The following DHX36 variants were observed in gnomAD, a reference collection of about 807,000 sequenced individuals.
The protein encoded by DHX36 is DEAH-box helicase 36.
In DHX36, 50 loss-of-function variants were observed where a neutral mutation model predicts 139.0. The ratio of observed to expected loss-of-function variants is 0.36; its 90% CI spans 0.29 to 0.46. The LOEUF is 0.46. Among genes scored for constraint, DHX36 ranks in the 20% least tolerant of loss-of-function variants. DHX36 has a pLI of 1.00. For missense variants in DHX36, 1,024 were observed against 1,211.3 expected (o/e 0.85, Z 2.29); for synonymous variants, 425 against 401.9 (o/e 1.06, Z -0.69).
intron 3 of DHX36, chr3:154,312,049 T>C (rs575389245): frequency 9.4e-5 from 15 of 158,960 alleles, no homozygotes; most frequent in Admixed American, 2.6e-4. Flanking sequence ...CAGTGCACTA[T>C]TTACTAATAC....
Position 154,316,173 on chromosome 3 carries a change from G to A in DHX36, c.244-10C>T, listed in dbSNP as rs369589902. The A allele has an allele frequency of 6.8e-6, 11 of 1,609,396 alleles. No homozygotes were observed. Among genetic ancestry groups the A allele is most frequent in the Non-Finnish European group, 9.3e-6 (11 of 1,178,422 alleles). On this transcript the variant is annotated splice_polypyrimidine_tract_variant and intron_variant, in intron 1 of 24. Coordinates refer to ENST00000496811, the MANE Select transcript of DHX36 (RefSeq NM_020865.3). Reference sequence around the variant, plus strand: ...TGTGTACTACAGCTCTCTAGTTTGTGCAAAGAAAAAAGCATCCTTGTCAAC... The same window carrying A: ...TGTGTACTACAGCTCTCTAGTTTGTACAAAGAAAAAAGCATCCTTGTCAAC...
chr3:154,289,743 C>A lies in DHX36; in HGVS notation c.1898G>T (p.Arg633Ile). 6.2e-7 allele frequency: 1 copy of A among 1,612,484 alleles called. No individual in the cohort carries two copies. Among genetic ancestry groups the A allele is most frequent in the Admixed American group, 1.7e-5 (1 of 60,002 alleles). ...LDDYQLPEIL[R>I]TPLEELCLQI... ...TAAACAAAGTTCTTCCAAAGGAGTT[C>A]TCAAAATTTCTGGCAGTTGATAGTC... The change falls in exon 16 of 25, where the codon AGA (arginine) becomes ATA (isoleucine). Residue 633 changes from arginine (R) to isoleucine (I), a missense_variant. Around this residue, in one of 4 missense-constraint regions of DHX36, gnomAD observed 470 missense variants for 616.2 expected, o/e 0.76. Coordinates refer to ENST00000496811, the MANE Select transcript of DHX36 (RefSeq NM_020865.3).
rs755921140 is a variant in DHX36 at position 154,287,755 on chromosome 3, C to T, written c.2031+1111G>A. ...TATGCAATATACAACCAATAAAAAG[C>T]GCAGATCAAGAGTACAAAAGGACTG... On this transcript the variant is annotated intron_variant, in intron 17 of 24. Coordinates refer to ENST00000496811, the MANE Select transcript of DHX36 (RefSeq NM_020865.3). Among the ~76,000 whole-genome samples, 112 of 151,938 alleles carry T rather than the reference C, an allele frequency of 7.4e-4. 1 individual carries two copies. Among genetic ancestry groups the T allele is most frequent in the Non-Finnish European group, 1.0e-3 (71 of 67,958 alleles).
At chr3:154,306,143 T>G in intron 6 of DHX36, 73 bp downstream of exon 6, 1 of 1,125,382 alleles carries the variant, frequency 8.9e-7, no homozygotes, top group Non-Finnish European at 1.3e-6. Flanking sequence ...GGGGAAAATA[T>G]CCTTTCTTTT....
At chr3:154,292,899 G>C (rs1031765879) in intron 14 of DHX36, among the ~76,000 whole-genome samples, 1 of 151,860 alleles carries the variant, frequency 6.6e-6, no homozygotes, top group East Asian at 1.9e-4. Flanking sequence ...TAGGGATCGA[G>C]TACCTAACAG....
chr3:154,296,234 G>C (rs1011035451), intron 12 of DHX36, among the ~76,000 whole-genome samples: 1 of 152,150 alleles, frequency 6.6e-6, no homozygotes, highest in African/African-American at 2.4e-5. Context: ...CAGCACTTTG[G>C]GAGGCCGAGG....
Position 154,275,067 on chromosome 3 carries a change from A to T in DHX36, c.*1104T>A, listed in dbSNP as rs1464437762. 1 of 152,238 alleles carries T rather than the reference A, an allele frequency of 6.6e-6. No individual in the cohort carries two copies. The highest frequency in any genetic ancestry group is 1.5e-5 in the Non-Finnish European group (1 of 68,044). The allele number at this position is 152,238 out of a possible 1,614,324, so 9.4% of individuals were successfully genotyped here. On this transcript the variant is annotated 3_prime_UTR_variant, in exon 25 of 25. Transcript: ENST00000496811. The stretch of plus-strand genomic sequence containing the variant: ...ACAGGCACTAGCCTATGTGCTTTAC[A>T]TGTATTAATGTACTTCATCCTCACA...
intron 22 of DHX36, chr3:154,278,934 G>C (rs1719244059): frequency 1.3e-5 from 2 of 152,162 alleles, no homozygotes; most frequent in African/African-American, 2.4e-5. Flanking sequence ...TGCATAACTA[G>C]AGCAGTAGAA....
chr3:154,276,649 G>T, intron 24 of DHX36, 98 bp downstream of exon 24: 1 of 1,310,674 alleles, frequency 7.6e-7, no homozygotes, highest in Non-Finnish European at 1.1e-6. Flanking sequence ...TGCTGAAATA[G>T]AGCAAGAAAT....
chr3:154,314,933 G>T, intron 3 of DHX36, 113 bp downstream of exon 3: 1 of 711,386 alleles, frequency 1.4e-6, no homozygotes, highest in Non-Finnish European at 2.3e-6. Context: ...CCACAGGGAT[G>T]TCTTGTTGAG....
chr3:154,313,928 T>G (rs988522556), intron 3 of DHX36, among the ~76,000 whole-genome samples: 3 of 152,162 alleles, frequency 2.0e-5, no homozygotes, highest in African/African-American at 7.2e-5. Flanking sequence ...TTCAAGGTTG[T>G]TGAGAAGCTT....
rs1559958783 is a variant in DHX36 at position 154,312,887 on chromosome 3, ATATATATATATAT to A, written c.604-1226_604-1214del. On this transcript the variant is annotated intron_variant, in intron 3 of 24. Transcript: ENST00000496811. ...TATATATATATATATATATATATAT[ATATATATATATAT>A]AAAATAAATAAAGAACTGTCTTTGG... Among the ~76,000 whole-genome samples, 122 of 116,088 alleles carry A rather than the reference ATATATATATATAT, an allele frequency of 1.1e-3. 3 individuals carry two copies. Among genetic ancestry groups the A allele is most frequent in the East Asian group, 7.5e-3 (26 of 3,478 alleles). The allele number at this position is 116,088 out of a possible 152,430, so 76.2% of individuals were successfully genotyped here. A position where few individuals can be genotyped will look rare whatever the true frequency, so the allele number is the denominator to read the frequency against.
At chr3:154,291,242 A>G (rs1711799877) in intron 15 of DHX36, among the ~76,000 whole-genome samples, 1 of 151,356 alleles carries the variant, frequency 6.6e-6, no homozygotes, top group Non-Finnish European at 1.5e-5. Flanking sequence ...ATTTTTATCC[A>G]TGGAGCCTAC....
intron 22 of DHX36, 142 bp from the exon 23 acceptor site, chr3:154,277,860 T>TC: frequency 1.3e-6 from 1 of 761,428 alleles, no homozygotes; most frequent in African/African-American, 1.8e-5. Context: ...AGAGAATAAT[T>TC]CAGTTTATTT....
At position 154,289,630 on chromosome 3, in the gene DHX36, A is replaced by G. The variant is rs1711702727; in HGVS notation, c.1932+79T>C. The G allele has an allele frequency of 4.7e-6, 4 of 845,500 alleles. 1 individual carries two copies. The East Asian group carries it at 9.7e-5, about 20-fold the overall frequency. 52.4% of individuals were successfully genotyped at this position (845,500 alleles called of 1,614,324 possible). On this transcript the variant is annotated intron_variant, in intron 16 of 24. Coordinates refer to ENST00000496811, the MANE Select transcript of DHX36 (RefSeq NM_020865.3). ...GTTAATAATTGTTTCTTGGAGATTA[A>G]TACAGTACTTTGTTCTACAAAAGAT...
intron 19 of DHX36, among the ~76,000 whole-genome samples, chr3:154,283,783 A>C (rs1719412437): frequency 3.9e-5 from 6 of 152,142 alleles, no homozygotes; most frequent in Admixed American, 3.9e-4. Flanking sequence ...GCCTCTAAAA[A>C]CCAAATTACA....
intron 1 of DHX36, among the ~76,000 whole-genome samples, chr3:154,323,072 C>T (rs1165304583): frequency 6.6e-6 from 1 of 152,180 alleles, no homozygotes; most frequent in African/African-American, 2.4e-5. Flanking sequence ...TGGTGGCTCA[C>T]GCCTGTAATC....
At position 154,273,032 on chromosome 3, in the gene DHX36, A is replaced by G. The variant is rs1719041980; in HGVS notation, c.*3139T>C. On this transcript the variant is annotated 3_prime_UTR_variant, in exon 25 of 25. Transcript: ENST00000496811. ...CGATGCTTTTGAAAGATTATTCAGT[A>G]GTTTAATTTCTTTTGTTTTTTTCCT... 1 of 152,066 alleles carries G rather than the reference A, an allele frequency of 6.6e-6. No homozygotes were observed. Among genetic ancestry groups the G allele is most frequent in the Admixed American group, 6.6e-5 (1 of 15,262 alleles). The allele number at this position is 152,066 out of a possible 1,614,324, so 9.4% of individuals were successfully genotyped here.
At chr3:154,321,439 G>A (rs895912560) in intron 1 of DHX36, among the ~76,000 whole-genome samples, 6 of 152,132 alleles carry the variant, frequency 3.9e-5, no homozygotes, top group African/African-American at 1.2e-4. Flanking sequence ...AAGGGTTACT[G>A]TCCCTGAAAA....
Sources: allele counts gnomAD v4.1 joint callset (sites outside exome capture counted in the v4.1 genomes callset), GRCh38; gene constraint gnomAD v4.1.1; regional missense constraint gnomAD v4.1.1; transcripts MANE v1.5; gene names NCBI Gene and HGNC (gene_info 2026-07-23, HGNC 2026-07-21).